Variants in STKLD1 observed in about 807,000 individuals in gnomAD.
The protein encoded by STKLD1 is serine/threonine kinase like domain containing 1, also known as serine/threonine kinase-like domain-containing protein STKLD1.
Under a neutral mutation model 80.4 loss-of-function variants are expected in STKLD1, and 79 were observed. That is an observed-to-expected ratio of 0.98 (90% confidence interval 0.82 to 1.19). The LOEUF (loss-of-function observed/expected upper bound fraction) is 1.19. Among genes scored for constraint, STKLD1 ranks in the 50% most tolerant of loss-of-function variants. The pLI, the probability that STKLD1 is intolerant of heterozygous loss-of-function variation, is 0.00. For synonymous variants in STKLD1, 393 were observed against 357.6 expected, an observed-to-expected ratio of 1.10 and a Z score of -1.12; for missense variants, 841 against 856.0, an observed-to-expected ratio of 0.98 and a Z score of 0.22.
chr9:133,386,317 C>T (rs1462587349), intron 4 of STKLD1, among the ~76,000 whole-genome samples: 1 of 152,250 alleles, frequency 6.6e-6, no homozygotes, highest in Non-Finnish European at 1.5e-5. Context: ...AGCCAGAGGG[C>T]CAGGCCAGAT....
At chr9:133,387,659 G>A in intron 5 of STKLD1, 111 bp downstream of exon 5, 1 of 839,536 alleles carries the variant, frequency 1.2e-6, no homozygotes, top group South Asian at 1.4e-5. Flanking sequence ...GTCCAGCCTT[G>A]TTTTTTTCTT....
intron 11 of STKLD1, among the ~76,000 whole-genome samples, chr9:133,398,827 A>G (rs1051952215): frequency 1.5e-5 from 2 of 135,598 alleles, no homozygotes; most frequent in African/African-American, 5.1e-5. Flanking sequence ...AGTGTTGGGA[A>G]AAGCAGTTTT....
intron 14 of STKLD1, among the ~76,000 whole-genome samples, chr9:133,403,291 G>A (rs782046030): frequency 1.7e-4 from 26 of 152,238 alleles, no homozygotes; most frequent in Non-Finnish European, 2.9e-4. Flanking sequence ...CTCCTGCCCA[G>A]GGAAATGTCC....
rs1837947209 is a variant in STKLD1, at chr9:133,376,413, A to G, written c.-61A>G. The G allele has an allele frequency of 2.7e-6, 4 of 1,482,380 alleles. No homozygotes were observed. Among genetic ancestry groups the G allele is most frequent in the East Asian group, 5.6e-5 (2 of 35,962 alleles). The allele number at this position is 1,482,380 out of a possible 1,614,324, so 91.8% of individuals were successfully genotyped here. A position where few individuals can be genotyped will look rare whatever the true frequency, so the allele number is the denominator to read the frequency against. On this transcript the variant is annotated 5_prime_UTR_variant, in exon 1 of 18. Transcript: ENST00000371957. ...GGGCGGGGAGGATCCCGCGGGTCCCACTGACCCACGCGGGGTGGGGCCAGG... is the reference window on the plus strand; with the variant it reads ...GGGCGGGGAGGATCCCGCGGGTCCCGCTGACCCACGCGGGGTGGGGCCAGG...
Position 133,390,852 on chromosome 9 carries a change from G to A in STKLD1, c.583+56G>A, listed in dbSNP as rs200634919. ...GGGGGTTGGCGCCTAGAATCCAGGC[G>A]GCGTTGGCCACTCTGGGTGCTGGAG... On this transcript the variant is annotated intron_variant, in intron 7 of 17. Coordinates refer to ENST00000371957, the MANE Select transcript of STKLD1 (RefSeq NM_153710.5). The surrounding 1 kb of genome is among the most constrained non-coding windows in gnomAD (Gnocchi z 5.1). 10 of 1,403,488 alleles carry A rather than the reference G, an allele frequency of 7.1e-6. No homozygotes were observed. Among genetic ancestry groups the A allele is most frequent in the East Asian group, 4.6e-5 (2 of 43,922 alleles). The allele number at this position is 1,403,488 out of a possible 1,614,324, so 86.9% of individuals were successfully genotyped here.
rs1258216946 is a variant in STKLD1 at position 133,390,511 on chromosome 9, T to C, written c.468-170T>C. On this transcript the variant is annotated intron_variant, in intron 6 of 17. Transcript: ENST00000371957. The surrounding 1 kb of genome is among the most constrained non-coding windows in gnomAD (Gnocchi z 5.1). ...CAACTGCTTAAAAAGTAGGCTGAGA[T>C]GGGGCATTTTGTGGAGGAGAGGAGG... is the stretch of plus-strand genomic sequence containing the variant. 6.6e-6 allele frequency among the ~76,000 whole-genome samples: 1 copy of C among 152,110 alleles called. No individual in the cohort carries two copies. The highest frequency in any genetic ancestry group is 1.5e-5 in the Non-Finnish European group (1 of 68,022).
chr9:133,383,706 G>C, intron 2 of STKLD1, 150 bp from the exon 3 acceptor site: 1 of 737,392 alleles, frequency 1.4e-6, no homozygotes, highest in Non-Finnish European at 2.5e-6. Context: ...TGGTGGTGTT[G>C]GTTGTGGTTG....
intron 7 of STKLD1, among the ~76,000 whole-genome samples, chr9:133,393,106 TGTGGGTGGGTGGGCATATGGATGG>T (rs1838449769): frequency 2.6e-5 from 1 of 38,610 alleles, no homozygotes; most frequent in Non-Finnish European, 4.8e-5. Context: ...TGGATGGATG[TGTGGGTGGGTGGGCATATGGATGG>T]GTGGGTGGAT....
At chr9:133,401,102 T>C (rs1554777532) in intron 12 of STKLD1, among the ~76,000 whole-genome samples, 1 of 151,880 alleles carries the variant, frequency 6.6e-6, no homozygotes, top group East Asian at 1.9e-4. Flanking sequence ...AGAGTTGAAT[T>C]AGCTTTGATG....
chr9:133,394,163 G>A lies in STKLD1; in HGVS notation c.584-128G>A, dbSNP rs2119231577. The A allele has an allele frequency of 1.4e-6, 1 of 701,294 alleles. No homozygotes were observed. Among genetic ancestry groups the A allele is most frequent in the Non-Finnish European group, 2.6e-6 (1 of 382,690 alleles). The allele number at this position is 701,294 out of a possible 1,614,324, so 43.4% of individuals were successfully genotyped here. A position where few individuals can be genotyped will look rare whatever the true frequency, so the allele number is the denominator to read the frequency against. On this transcript the variant is annotated intron_variant, in intron 7 of 17. Transcript: ENST00000371957. This position sits in a 1 kb window ranked among gnomAD's most constrained non-coding sequence, Gnocchi z 4.9. ...ACCTCTTCTGAGAAGAGGACCTGCAGGGCTTGTGTTTCAAGCTGCTTGCGG... is the reference window on the plus strand; with the variant it reads ...ACCTCTTCTGAGAAGAGGACCTGCAAGGCTTGTGTTTCAAGCTGCTTGCGG...
At position 133,394,023 on chromosome 9, in the gene STKLD1, A is replaced by C; in HGVS notation, c.584-268A>C. The C allele has an allele frequency of 2.2e-6, 1 of 462,872 alleles. No homozygotes were observed. Among genetic ancestry groups the C allele is most frequent in the East Asian group, 3.6e-5 (1 of 27,442 alleles). 28.7% of individuals were successfully genotyped at this position (462,872 alleles called of 1,614,324 possible). On this transcript the variant is annotated intron_variant, in intron 7 of 17. Transcript: ENST00000371957. This position sits in a 1 kb window ranked among gnomAD's most constrained non-coding sequence, Gnocchi z 4.9. ...GCCATCCAGGGCACACAGACACACC[A>C]CCTATATGGGCCAGCCTGGTGGGCA... is the stretch of plus-strand genomic sequence containing the variant.
chr9:133,394,731 A>C lies in STKLD1; in HGVS notation c.702+322A>C. 2.9e-6 allele frequency: 1 copy of C among 341,706 alleles called. No homozygotes were observed. The highest frequency in any genetic ancestry group is 5.5e-6 in the Non-Finnish European group (1 of 181,250). 21.2% of individuals were successfully genotyped at this position (341,706 alleles called of 1,614,324 possible). The stretch of plus-strand genomic sequence containing the variant: ...AGTTCAGGTGCCCTTGTGAGCATGA[A>C]GGCTGCACGGAGTTGCAAGCAACGG... On this transcript the variant is annotated intron_variant, in intron 8 of 17. Transcript: ENST00000371957. This position sits in a 1 kb window ranked among gnomAD's most constrained non-coding sequence, Gnocchi z 4.9.
In STKLD1 at chr9:133,376,545, C is replaced by T; in HGVS notation, c.72C>T (p.Pro24=). The change falls in exon 1 of 18, where the codon CCC becomes CCT. Residue 24 remains proline, a synonymous_variant. Transcript: ENST00000371957. ...GAGGCCCAGGGTCCCCCGGAGAGCC[C>T]ATGGAGAAGTACCAGGTGCCGAGTG... The part of the protein sequence containing the change: ...GERGPGSPGE[P]MEKYQVLYQL... The T allele has an allele frequency of 6.3e-7, 1 of 1,598,990 alleles. No individual in the cohort carries two copies.
Position 133,390,699 on chromosome 9 carries a change from C to T in STKLD1, c.486C>T (p.Asn162=). The change falls in exon 7 of 18, where the codon AAC becomes AAT. Residue 162 remains asparagine, a synonymous_variant. Coordinates refer to ENST00000371957, the MANE Select transcript of STKLD1 (RefSeq NM_153710.5). This position sits in a 1 kb window ranked among gnomAD's most constrained non-coding sequence, Gnocchi z 5.1. ...DIIHRNLKPS[N]IILISSDHCK... ...GTTTCAGGAATCTCAAACCCTCCAACATCATCCTCATCAGCAGTGACCACT... is the reference window on the plus strand; with the variant it reads ...GTTTCAGGAATCTCAAACCCTCCAATATCATCCTCATCAGCAGTGACCACT... 2 of 1,613,754 alleles carry T rather than the reference C, an allele frequency of 1.2e-6. No homozygotes were observed. Among genetic ancestry groups the T allele is most frequent in the Non-Finnish European group, 1.7e-6 (2 of 1,179,892 alleles).
intron 8 of STKLD1, among the ~76,000 whole-genome samples, chr9:133,395,260 TTAGCC>T (rs1259310905): frequency 1.3e-5 from 2 of 152,154 alleles, no homozygotes; most frequent in Admixed American, 1.3e-4. Flanking sequence ...ATCCTGGAAA[TTAGCC>T]TGAGCTCCAG....
chr9:133,379,831 GGCTGGCCATACAGC>G (rs1381657765), intron 2 of STKLD1, among the ~76,000 whole-genome samples: 5 of 152,340 alleles, frequency 3.3e-5, no homozygotes, highest in African/African-American at 1.2e-4. Flanking sequence ...GCAGGTTCAG[GGCTGGCCATACAGC>G]GGGAGGAGCC....
intron 17 of STKLD1, 139 bp downstream of exon 17, chr9:133,405,068 T>G (rs1480504521): frequency 7.2e-7 from 1 of 1,381,966 alleles, no homozygotes; most frequent in Non-Finnish European, 9.9e-7. Context: ...TCCCACTCAT[T>G]TGGCATCTTC....
At position 133,385,532 on chromosome 9, in the gene STKLD1, G is replaced by T. The variant is rs1437932030; in HGVS notation, c.220-85G>T. On this transcript the variant is annotated intron_variant, in intron 3 of 17. Coordinates refer to ENST00000371957, the MANE Select transcript of STKLD1 (RefSeq NM_153710.5). The surrounding 1 kb of genome is among the most constrained non-coding windows in gnomAD (Gnocchi z 4.9). ...CTCAGAGCCCGAGGCTTGCATGTTTGTTGGGATGTGTGACAGAGAAGCCCG... is the reference window on the plus strand; with the variant it reads ...CTCAGAGCCCGAGGCTTGCATGTTTTTTGGGATGTGTGACAGAGAAGCCCG... 10 of 1,375,480 alleles carry T rather than the reference G, an allele frequency of 7.3e-6. No homozygotes were observed. In the South Asian group the frequency reaches 1.2e-4, roughly 17 times the overall value. 85.2% of individuals were successfully genotyped at this position (1,375,480 alleles called of 1,614,324 possible). A position where few individuals can be genotyped will look rare whatever the true frequency, so the allele number is the denominator to read the frequency against.
At chr9:133,383,739 G>A in intron 2 of STKLD1, 117 bp from the exon 3 acceptor site, 1 of 881,822 alleles carries the variant, frequency 1.1e-6, no homozygotes, top group East Asian at 2.4e-5. Flanking sequence ...TGATGGTTGT[G>A]GTGGAGGTGG....
Sources: gnomAD v4.1 joint callset for allele counts (sites outside exome capture counted in the v4.1 genomes callset) on GRCh38, gnomAD v4.1.1 for gene constraint, Gnocchi (gnomAD v3.1) non-coding constraint, MANE v1.5 for transcripts, NCBI Gene and HGNC (gene_info 2026-07-23, HGNC 2026-07-21) for gene names.